DOP1B: variants seen among roughly 807,000 people sequenced by gnomAD.
The protein encoded by DOP1B is protein DOP1B.
In DOP1B, 174 loss-of-function variants were observed where a neutral mutation model predicts 233.5. The ratio of observed to expected loss-of-function variants is 0.75; its 90% CI spans 0.66 to 0.85. DOP1B has a LOEUF of 0.85. DOP1B is among the 40% of genes least tolerant of loss of function. The pLI, the probability that DOP1B is intolerant of heterozygous loss-of-function variation, is 0.00. For synonymous variants in DOP1B, 1,190 were observed against 1,185.6 expected, an observed-to-expected ratio of 1.00 and a Z score of -0.08; for missense variants, 2,652 against 2,846.6, an observed-to-expected ratio of 0.93 and a Z score of 1.56.
chr21:36,229,225 G>T (rs1464089466), intron 13 of DOP1B, among the ~76,000 whole-genome samples: 6 of 152,158 alleles, frequency 3.9e-5, no homozygotes, highest in Non-Finnish European at 8.8e-5. Context: ...AGACTGGGTG[G>T]CTTCCACAAC....
At chr21:36,160,443 G>A (rs2065858790) in intron 1 of DOP1B, among the ~76,000 whole-genome samples, 1 of 151,382 alleles carries the variant, frequency 6.6e-6, no homozygotes, top group South Asian at 2.1e-4. Context: ...CTTGTAAGCT[G>A]GAAAAGGGGT....
chr21:36,175,053 T>A (rs985959051), intron 2 of DOP1B, among the ~76,000 whole-genome samples: 1 of 152,042 alleles, frequency 6.6e-6, no homozygotes, highest in Non-Finnish European at 1.5e-5. Context: ...TGGTGTCTTC[T>A]CCCTGGGTCC....
intron 15 of DOP1B, among the ~76,000 whole-genome samples, chr21:36,236,320 G>A (rs181603641): frequency 6.6e-6 from 1 of 152,328 alleles, no homozygotes; most frequent in East Asian, 1.9e-4. Flanking sequence ...CGATTTGGGG[G>A]TATAATAGTG....
intron 2 of DOP1B, among the ~76,000 whole-genome samples, chr21:36,175,988 G>C (rs990218979): frequency 2.0e-5 from 3 of 152,116 alleles, no homozygotes; most frequent in Non-Finnish European, 2.9e-5. Flanking sequence ...TAGAAGCCCA[G>C]ATGGTCTTTT....
Position 36,164,802 on chromosome 21 carries a change from G to C in DOP1B, c.69G>C (p.Lys23Asn), listed in dbSNP as rs2065894006. ...RYRSYSSVIE[K>N]ALRNFESSSE... ...GAAGCTACTCTTCAGTGATTGAAAA[G>C]GCTTTGAGAAATTTTGAGTCCTCGA... is the stretch of plus-strand genomic sequence containing the variant. The change falls in exon 2 of 37, where the codon AAG becomes AAC. Residue 23 changes from lysine to asparagine, a missense_variant. Physicochemically the swap from Lys to Asn is moderately conservative, Grantham distance 94. Around this residue, in one of 3 missense-constraint regions of DOP1B, gnomAD observed 2,617 missense variants for 2,794.3 expected, o/e 0.94. Transcript: ENST00000691173. The C allele has an allele frequency of 6.2e-7, 1 of 1,612,472 alleles. No homozygotes were observed. Among genetic ancestry groups the C allele is most frequent in the Non-Finnish European group, 8.5e-7 (1 of 1,179,388 alleles).
At chr21:36,169,725 T>G in intron 2 of DOP1B, 1 of 1,007,360 alleles carries the variant, frequency 9.9e-7, no homozygotes, top group Non-Finnish European at 1.6e-6. Flanking sequence ...TGCTTCCTCA[T>G]GCTGCTGAAG....
rs1363317182 is a variant in DOP1B at position 36,177,440 on chromosome 21, T to C, written c.138+12569T>C. Reference sequence around the variant, plus strand: ...AAGGAATATTTTTGCCATTCTTCCTTTCAGGTCTGCTGTGGGGCTGGAGGT... The same window carrying C: ...AAGGAATATTTTTGCCATTCTTCCTCTCAGGTCTGCTGTGGGGCTGGAGGT... On this transcript the variant is annotated intron_variant, in intron 2 of 36. Coordinates refer to ENST00000691173, the MANE Select transcript of DOP1B (RefSeq NM_001320714.2). Among the ~76,000 whole-genome samples the C allele has an allele frequency of 2.0e-5, 3 of 152,226 alleles. No homozygotes were observed. In the East Asian group the frequency reaches 5.8e-4, roughly 29 times the overall value.
chr21:36,189,583 G>A (rs1457372538), intron 2 of DOP1B, among the ~76,000 whole-genome samples: 2 of 151,914 alleles, frequency 1.3e-5, no homozygotes, highest in Non-Finnish European at 2.9e-5. Context: ...GCTGGTGCAC[G>A]CCTGTAGTCC....
rs747156685 is a variant in DOP1B, at chr21:36,233,033, A to G, written c.2580A>G (p.Pro860=). 12 of 1,614,090 alleles carry G rather than the reference A, an allele frequency of 7.4e-6. No individual in the cohort carries two copies. In the South Asian group the frequency reaches 1.1e-4, roughly 15 times the overall value. The change falls in exon 15 of 37, where the codon CCA becomes CCG. Residue 860 remains proline (P), a synonymous_variant. Transcript: ENST00000691173. ...TGGTGACGGTTCCTCCCATTGCTCC[A>G]GGGATATTGAAAGTCATTGCAGAGA... ...LQMVTVPPIA[P]GILKVIAEKT...
rs200639129 is a variant in DOP1B, at chr21:36,211,661, T to C, written c.780+10T>C. On this transcript the variant is annotated intron_variant, in intron 6 of 36. Coordinates refer to ENST00000691173, the MANE Select transcript of DOP1B (RefSeq NM_001320714.2). ...ATTTTATACCTGTCTGGTAAGTAATTTGTACTCTTCTGGTAAGTCACTGGT... is the reference window on the plus strand; with the variant it reads ...ATTTTATACCTGTCTGGTAAGTAATCTGTACTCTTCTGGTAAGTCACTGGT... The C allele has an allele frequency of 5.0e-6, 8 of 1,612,758 alleles. No homozygotes were observed. In the African/African-American group the frequency reaches 8.0e-5, roughly 16 times the overall value.
intron 13 of DOP1B, among the ~76,000 whole-genome samples, chr21:36,229,036 T>A (rs2066727195): frequency 6.6e-6 from 1 of 152,214 alleles, no homozygotes; most frequent in African/African-American, 2.4e-5. Flanking sequence ...GCCTGCTCTG[T>A]AACTGCAGTT....
Position 36,164,863 on chromosome 21 carries a change from C to G in DOP1B, c.130C>G (p.Leu44Val). ...WADLISSLGK[L>V]NKALQSNLRY... ...GGATCTCATATCTTCACTTGGCAAA[C>G]TCAACAAGGTATGTAGGGTGTATCC... The change falls in exon 2 of 37, where the codon CTC becomes GTC. Residue 44 changes from leucine (L) to valine (V), a missense_variant. Around this residue, in one of 3 missense-constraint regions of DOP1B, gnomAD observed 2,617 missense variants for 2,794.3 expected, o/e 0.94. Coordinates refer to ENST00000691173, the MANE Select transcript of DOP1B (RefSeq NM_001320714.2). 1 of 1,610,172 alleles carries G rather than the reference C, an allele frequency of 6.2e-7. No homozygotes were observed. The highest frequency in any genetic ancestry group is 2.2e-5 in the East Asian group (1 of 44,686).
Position 36,292,973 on chromosome 21 carries a change from G to A in DOP1B, c.6646-347G>A, listed in dbSNP as rs534944642. Among the ~76,000 whole-genome samples, 41 of 152,052 alleles carry A rather than the reference G, an allele frequency of 2.7e-4. No homozygotes were observed. The East Asian group carries it at 6.0e-3, about 22-fold the overall frequency. ...GGTAATCCCAGCATTTTGGGAGGCC[G>A]AGGTGGGCAGATCGCCTGAGGTCAG... On this transcript the variant is annotated intron_variant, in intron 36 of 36. Coordinates refer to ENST00000691173, the MANE Select transcript of DOP1B (RefSeq NM_001320714.2).
At chr21:36,237,845 A>C (rs1469581130) in intron 16 of DOP1B, among the ~76,000 whole-genome samples, 1 of 152,204 alleles carries the variant, frequency 6.6e-6, no homozygotes, top group African/African-American at 2.4e-5. Context: ...CCTGGGCAAC[A>C]TAGTGAGATC....
At position 36,214,114 on chromosome 21, in the gene DOP1B, A is replaced by C. The variant is rs2066532777; in HGVS notation, c.938A>C (p.Glu313Ala). ...SDIKGNTVVP[E>A]SEISNSYEDQ... ...ATAAAAGGAAATACCGTTGTGCCAG[A>C]ATCTGAAATCTCAAATTCTTATGAA... Residue 313 changes from glutamate (E) to alanine (A), a missense_variant, in exon 8 of 37, where the codon GAA (glutamate) becomes GCA (alanine). Glu to Ala is a moderately radical substitution (Grantham distance 107, BLOSUM62 -1). Transcript: ENST00000691173. 6.2e-7 allele frequency: 1 copy of C among 1,613,926 alleles called. No individual in the cohort carries two copies. Among genetic ancestry groups the C allele is most frequent in the Non-Finnish European group, 8.5e-7 (1 of 1,180,004 alleles).
intron 2 of DOP1B, among the ~76,000 whole-genome samples, chr21:36,175,143 C>G (rs2066009549): frequency 6.6e-6 from 1 of 150,822 alleles, no homozygotes; most frequent in African/African-American, 2.4e-5. Context: ...TGGAGTCTCA[C>G]TTTGTTGCCC....
intron 1 of DOP1B, among the ~76,000 whole-genome samples, chr21:36,163,855 C>T (rs2065887935): frequency 1.3e-5 from 2 of 152,180 alleles, no homozygotes; most frequent in South Asian, 4.1e-4. Context: ...ACTCAGCCAT[C>T]GTTAGTTTGT....
intron 32 of DOP1B, 32 bp downstream of exon 32, chr21:36,281,643 G>A (rs2067418326): frequency 1.3e-6 from 2 of 1,503,470 alleles, no homozygotes; most frequent in Non-Finnish European, 1.8e-6. Context: ...GTTTTTTGCT[G>A]CTATAACAGA....
intron 32 of DOP1B, among the ~76,000 whole-genome samples, chr21:36,283,197 T>C (rs1283379386): frequency 1.3e-5 from 2 of 152,110 alleles, no homozygotes; most frequent in African/African-American, 4.8e-5. Flanking sequence ...TTCTCCTGCC[T>C]CAGCCTCCAA....
Sources: allele counts gnomAD v4.1 joint callset (sites outside exome capture counted in the v4.1 genomes callset), GRCh38; gene constraint gnomAD v4.1.1; regional missense constraint gnomAD v4.1.1; transcripts MANE v1.5; gene names NCBI Gene and HGNC (gene_info 2026-07-23, HGNC 2026-07-21).